SPEG: variants seen among roughly 807,000 people sequenced by gnomAD.
The protein encoded by SPEG is striated muscle enriched protein kinase.
In SPEG, 114 loss-of-function variants were observed where a neutral mutation model predicts 300.4. That is an observed-to-expected ratio of 0.38 (90% CI 0.33 to 0.44). SPEG has a LOEUF of 0.44. SPEG is among the 20% of genes least tolerant of loss of function. The pLI, the probability that SPEG is intolerant of heterozygous loss-of-function variation, is 1.00. For synonymous variants in SPEG, 1,964 were observed against 2,018.9 expected (o/e 0.97, Z 0.73); for missense variants, 4,201 against 4,586.2 (o/e 0.92, Z 2.43).
rs762523816 is a variant in SPEG, at chr2:219,492,712, G to A, written c.9730G>A (p.Glu3244Lys). 3.1e-6 allele frequency: 5 copies of A among 1,605,252 alleles called. No individual in the cohort carries two copies. The highest frequency in any genetic ancestry group is 3.3e-5 in the Admixed American group (2 of 59,916). ...CAACCGGCTCAAGGAGTTCCTGGGC[G>A]AGCAGCGGCGGCGCCGGGCTGAGGC... ...TTNRLKEFLGEQRRRRAEAAT... is the reference protein window; with the variant it reads ...TTNRLKEFLGKQRRRRAEAAT... Residue 3244 changes from glutamate (E) to lysine (K), a missense_variant, in exon 41 of 41, where the codon GAG (glutamate) becomes AAG (lysine). Glu to Lys is a moderately conservative substitution (Grantham distance 56). Coordinates refer to ENST00000312358, the MANE Select transcript of SPEG (RefSeq NM_005876.5).
chr2:219,439,190 G>A lies in SPEG; in HGVS notation c.388+3825G>A, dbSNP rs1037467867. 1.3e-5 allele frequency among the ~76,000 whole-genome samples: 2 copies of A among 152,146 alleles called. No homozygotes were observed. Among genetic ancestry groups the A allele is most frequent in the Non-Finnish European group, 2.9e-5 (2 of 68,032 alleles). On this transcript the variant is annotated intron_variant, in intron 1 of 40. Transcript: ENST00000312358. The surrounding 1 kb of genome is among the most constrained non-coding windows in gnomAD (Gnocchi z 4.5). ...GGACAGAGAAGGGGGAAGGCTGGAT[G>A]AGTGGAAGCCGTTGCAGGAAGATTT... is the stretch of plus-strand genomic sequence containing the variant.
At chr2:219,447,454 G>C (rs1054390050) in intron 3 of SPEG, among the ~76,000 whole-genome samples, 2 of 152,140 alleles carry the variant, frequency 1.3e-5, no homozygotes, top group African/African-American at 4.8e-5. Flanking sequence ...AAAGGCTTGT[G>C]CCTGGTCCAG....
In SPEG at chr2:219,469,214, C is replaced by T. The variant is rs746374302; in HGVS notation, c.3550C>T (p.Arg1184Trp). The part of the protein sequence containing the change: ...PEEPEQGELE[R>W]LSIPDFLRPL... ...GGAGCCAGAGCAGGGTGAGCTGGAG[C>T]GGCTGTCCATTCCTGACTTCCTGCG... The change falls in exon 13 of 41, where the codon CGG (arginine) becomes TGG (tryptophan). Residue 1184 changes from arginine (R) to tryptophan (W), a missense_variant. By Grantham distance (101) the Arg-to-Trp change is moderately radical. Around this residue, in one of 4 missense-constraint regions of SPEG, gnomAD observed 1,047 missense variants for 1,356.8 expected, o/e 0.77. Transcript: ENST00000312358. The T allele has an allele frequency of 3.2e-5, 51 of 1,613,484 alleles. No individual in the cohort carries two copies. The highest frequency in any genetic ancestry group is 4.5e-5 in the East Asian group (2 of 44,886).
In SPEG at chr2:219,473,600, A is replaced by G; in HGVS notation, c.4244A>G (p.His1415Arg). The change falls in exon 17 of 41, where the codon CAT (histidine) becomes CGT (arginine). Residue 1415 changes from histidine (H) to arginine (R), a missense_variant. Physicochemically the swap from His to Arg is conservative, Grantham distance 29. This residue lies in a region of SPEG where 1,047 missense variants were observed against 1,356.8 expected (regional missense o/e 0.77). Transcript: ENST00000312358. This position sits in a 1 kb window ranked among gnomAD's most constrained non-coding sequence, Gnocchi z 4.6. ...QPASVTVTFN[H>R]VEAQVVWRSC... Reference sequence around the variant, plus strand: ...GCCAGCGTCACCGTCACATTCAACCATGTGGAGGCCCAGGTCGTCTGGAGG... The same window carrying G: ...GCCAGCGTCACCGTCACATTCAACCGTGTGGAGGCCCAGGTCGTCTGGAGG... 3 of 1,614,170 alleles carry G rather than the reference A, an allele frequency of 1.9e-6. No individual in the cohort carries two copies. The highest frequency in any genetic ancestry group is 2.5e-6 in the Non-Finnish European group (3 of 1,180,024).
chr2:219,488,652 C>T lies in SPEG; in HGVS notation c.8013C>T (p.Thr2671=), dbSNP rs772357547. The T allele has an allele frequency of 1.1e-5, 18 of 1,603,150 alleles. No individual in the cohort carries two copies. The highest frequency in any genetic ancestry group is 1.7e-4 in the Middle Eastern group (1 of 6,012). ...NVLGSITSSC[T]VAVARVPGKL... Reference sequence around the variant, plus strand: ...TGGGCAGCATCACCAGCTCCTGTACCGTGGCTGTGGCCCGTGAGCCTGGGG... The same window carrying T: ...TGGGCAGCATCACCAGCTCCTGTACTGTGGCTGTGGCCCGTGAGCCTGGGG... The change falls in exon 33 of 41, where the codon ACC becomes ACT. Residue 2671 remains threonine (T), a synonymous_variant. Transcript: ENST00000312358.
In SPEG at chr2:219,473,572, C is replaced by A. The variant is rs1319308342; in HGVS notation, c.4216C>A (p.Pro1406Thr). The change falls in exon 17 of 41, where the codon CCT (proline) becomes ACT (threonine). Residue 1406 changes from proline (P) to threonine (T), a missense_variant. Transcript: ENST00000312358. This position sits in a 1 kb window ranked among gnomAD's most constrained non-coding sequence, Gnocchi z 4.6. The stretch of plus-strand genomic sequence containing the variant: ...CATCGTGTATGTGGTGGAGGGACAG[C>A]CTGCCAGCGTCACCGTCACATTCAA... ...PDIVYVVEGQ[P>T]ASVTVTFNHV... 6.2e-7 allele frequency: 1 copy of A among 1,614,168 alleles called. No homozygotes were observed. The highest frequency in any genetic ancestry group is 8.5e-7 in the Non-Finnish European group (1 of 1,180,028).
At chr2:219,453,058 G>A (rs1041696678) in intron 6 of SPEG, among the ~76,000 whole-genome samples, 10 of 152,142 alleles carry the variant, frequency 6.6e-5, no homozygotes, top group Non-Finnish European at 1.3e-4. Context: ...TCCACCACAT[G>A]CTTCTGTCCT....
rs769775048 is a variant in SPEG, at chr2:219,484,457, G to A, written c.6994G>A (p.Val2332Met). Residue 2332 changes from valine to methionine, a missense_variant, in exon 30 of 41, where the codon GTG (valine) becomes ATG (methionine). Around this residue, in one of 4 missense-constraint regions of SPEG, gnomAD observed 1,578 missense variants for 1,506.0 expected, o/e 1.05. Coordinates refer to ENST00000312358, the MANE Select transcript of SPEG (RefSeq NM_005876.5). The stretch of plus-strand genomic sequence containing the variant: ...CATCGAAAACTTGGAGTCGGAGGCC[G>A]TGTTCGAGGCCAAGTTCAAGCGCAG... ...SSIENLESEA[V>M]FEAKFKRSRE... 32 of 1,611,176 alleles carry A rather than the reference G, an allele frequency of 2.0e-5. No homozygotes were observed. The highest frequency in any genetic ancestry group is 2.5e-5 in the Non-Finnish European group (29 of 1,179,758).
At chr2:219,482,883 C>T (rs748856580) in intron 29 of SPEG, 31 bp downstream of exon 29, 83 of 1,604,296 alleles carry the variant, frequency 5.2e-5, no homozygotes, top group Non-Finnish European at 6.6e-5. Context: ...TCTGTGCTTT[C>T]CACCTTCTCC....
rs577080024 is a variant in SPEG, at chr2:219,467,689, C to A, written c.3142+255C>A. Among the ~76,000 whole-genome samples the A allele has an allele frequency of 1.2e-3, 178 of 152,370 alleles. 1 individual carries two copies. Among genetic ancestry groups the A allele is most frequent in the African/African-American group, 4.1e-3 (169 of 41,592 alleles). On this transcript the variant is annotated intron_variant, in intron 10 of 40. Coordinates refer to ENST00000312358, the MANE Select transcript of SPEG (RefSeq NM_005876.5). Reference sequence around the variant, plus strand: ...CTGCTGAGGTGAACGTGGGTTCCCACGCCTGCCCTGCAAGTCACCAGCCAT... The same window carrying A: ...CTGCTGAGGTGAACGTGGGTTCCCAAGCCTGCCCTGCAAGTCACCAGCCAT...
In SPEG at chr2:219,490,964, G is replaced by A. The variant is rs1693915273; in HGVS notation, c.9385+8G>A. ...GCACGCTGGAGTTCATGGGTGAGGG[G>A]ACCAGCTGCCAGCCAGGGTGGGGAC... is the stretch of plus-strand genomic sequence containing the variant. On this transcript the variant is annotated splice_region_variant and intron_variant, in intron 38 of 40. Coordinates refer to ENST00000312358, the MANE Select transcript of SPEG (RefSeq NM_005876.5). 2 of 1,605,724 alleles carry A rather than the reference G, an allele frequency of 1.2e-6. No individual in the cohort carries two copies. The highest frequency in any genetic ancestry group is 2.2e-5 in the South Asian group (2 of 90,632).
Position 219,480,533 on chromosome 2 carries a change from A to C in SPEG, c.5343-138A>C. On this transcript the variant is annotated intron_variant, in intron 25 of 40. Transcript: ENST00000312358. This position sits in a 1 kb window ranked among gnomAD's most constrained non-coding sequence, Gnocchi z 5.3. Reference sequence around the variant, plus strand: ...TGTAGGTTCAGGGTCCTCCCTGAAGAAGCCACTCCTGTGCCCATTGTCCAT... The same window carrying C: ...TGTAGGTTCAGGGTCCTCCCTGAAGCAGCCACTCCTGTGCCCATTGTCCAT... 2.3e-6 allele frequency: 2 copies of C among 856,654 alleles called. No homozygotes were observed. Among genetic ancestry groups the C allele is most frequent in the South Asian group, 3.0e-5 (2 of 67,252 alleles). 53.1% of individuals were successfully genotyped at this position (856,654 alleles called of 1,614,324 possible).
Position 219,451,347 on chromosome 2 carries a change from G to T in SPEG, c.2257+68G>T. ...GGGGTGTGTGAGAAGGGAAGGGGAG[G>T]TTCCCCCGGACTCCTCCAAGGGAGG... On this transcript the variant is annotated intron_variant, in intron 5 of 40. Coordinates refer to ENST00000312358, the MANE Select transcript of SPEG (RefSeq NM_005876.5). This position sits in a 1 kb window ranked among gnomAD's most constrained non-coding sequence, Gnocchi z 6.4. 6.5e-7 allele frequency: 1 copy of T among 1,527,394 alleles called. No individual in the cohort carries two copies. Among genetic ancestry groups the T allele is most frequent in the Non-Finnish European group, 8.8e-7 (1 of 1,138,440 alleles). 94.6% of individuals were successfully genotyped at this position (1,527,394 alleles called of 1,614,324 possible). A position where few individuals can be genotyped will look rare whatever the true frequency, so the allele number is the denominator to read the frequency against.
chr2:219,472,348 C>T lies in SPEG; in HGVS notation c.3940+17C>T, dbSNP rs1691957480. On this transcript the variant is annotated intron_variant, in intron 15 of 40. Coordinates refer to ENST00000312358, the MANE Select transcript of SPEG (RefSeq NM_005876.5). ...TGGCCATCGGTGGGTCAGGGCTGCACAGGGCCATGGGTGGGGAAGGGGTGT... is the reference window on the plus strand; with the variant it reads ...TGGCCATCGGTGGGTCAGGGCTGCATAGGGCCATGGGTGGGGAAGGGGTGT... 1.2e-6 allele frequency: 2 copies of T among 1,603,458 alleles called. No individual in the cohort carries two copies. The highest frequency in any genetic ancestry group is 4.5e-5 in the East Asian group (2 of 44,796).
At position 219,455,517 on chromosome 2, in the gene SPEG, G is replaced by C. The variant is rs372790975; in HGVS notation, c.2440+3710G>C. On this transcript the variant is annotated intron_variant, in intron 6 of 40. Transcript: ENST00000312358. ...AAATAGTCTCAGGTGGCTAGTGGCT[G>C]CCTTCTTGGGATGGTCAGCTCTAGG... Among the ~76,000 whole-genome samples, 33 of 152,252 alleles carry C rather than the reference G, an allele frequency of 2.2e-4. 3 individuals carry two copies. Among genetic ancestry groups the C allele is most frequent in the African/African-American group, 7.9e-4 (33 of 41,536 alleles).
chr2:219,465,868 C>T (rs368556036), intron 9 of SPEG: 130 of 611,836 alleles, frequency 2.1e-4, no homozygotes, highest in Middle Eastern at 4.0e-4. Flanking sequence ...CATGTGTGTG[C>T]GTGTGTGCGT....
In SPEG at chr2:219,477,906, G is replaced by C. The variant is rs764826055; in HGVS notation, c.4828G>C (p.Gly1610Arg). The change falls in exon 22 of 41, where the codon GGT becomes CGT. Residue 1610 changes from glycine to arginine, a missense_variant and splice_region_variant. Gly to Arg is a moderately radical substitution (Grantham distance 125, BLOSUM62 -2). Coordinates refer to ENST00000312358, the MANE Select transcript of SPEG (RefSeq NM_005876.5). The surrounding 1 kb of genome is among the most constrained non-coding windows in gnomAD (Gnocchi z 6.4). ...TGACCCCCTCCCTGTGTCAACCAGG[G>C]GTGCTTTCTCCTACTTGCGGCGCAT... ...FYDIHQEIGR[G>R]AFSYLRRIVE... The C allele has an allele frequency of 6.2e-7, 1 of 1,613,902 alleles. No individual in the cohort carries two copies. The highest frequency in any genetic ancestry group is 8.5e-7 in the Non-Finnish European group (1 of 1,179,822).
Position 219,435,360 on chromosome 2 carries a change from T to C in SPEG, c.383T>C (p.Val128Ala), listed in dbSNP as rs1245452573. 1.3e-6 allele frequency: 2 copies of C among 1,534,238 alleles called. No homozygotes were observed. The highest frequency in any genetic ancestry group is 3.9e-5 in the Admixed American group (2 of 51,462). The change falls in exon 1 of 41, where the codon GTC (valine) becomes GCC (alanine). Residue 128 changes from valine to alanine, a missense_variant. Coordinates refer to ENST00000312358, the MANE Select transcript of SPEG (RefSeq NM_005876.5). Reference protein sequence around the residue: ...SCEAVLTVLEVGDSETAEDDI... With the variant: ...SCEAVLTVLEAGDSETAEDDI... ...GAGGCGGTGCTCACAGTGCTGGAGG[T>C]CGGAGGTAAAGGGCAGGTGGGGGCC...
Position 219,479,821 on chromosome 2 carries a change from C to T in SPEG, c.5124C>T (p.His1708=). 4 of 1,614,106 alleles carry T rather than the reference C, an allele frequency of 2.5e-6. No homozygotes were observed. The highest frequency in any genetic ancestry group is 2.2e-5 in the East Asian group (1 of 44,880). The change falls in exon 24 of 41, where the codon CAC becomes CAT. Residue 1708 remains histidine (H), a synonymous_variant. Transcript: ENST00000312358. The surrounding 1 kb of genome is among the most constrained non-coding windows in gnomAD (Gnocchi z 5.5). ...TGCGGCAGGTGCTAGAGGGAATACA[C>T]TACCTGCACCAGAGCCACGTGCTGC... ...AYMRQVLEGI[H]YLHQSHVLHL...
Sources: gnomAD v4.1 joint callset for allele counts (sites outside exome capture counted in the v4.1 genomes callset) on GRCh38, gnomAD v4.1.1 for gene constraint, gnomAD v4.1.1 regional missense constraint, Gnocchi (gnomAD v3.1) non-coding constraint, MANE v1.5 for transcripts, NCBI Gene and HGNC (gene_info 2026-07-23, HGNC 2026-07-21) for gene names.